Variants in WDR72 observed in about 807,000 individuals in gnomAD.
The protein encoded by WDR72 is WD repeat-containing protein 72.
A neutral mutation model predicts 124.2 loss-of-function variants in WDR72; 120 were observed. The observed-to-expected ratio is 0.97, with a 90% CI of 0.83 to 1.12. WDR72 has a LOEUF of 1.12. Among genes scored for constraint, WDR72 ranks in the 50% most tolerant of loss-of-function variants. WDR72 has a pLI of 0.00. For synonymous variants in WDR72, 452 were observed against 441.7 expected, an observed-to-expected ratio of 1.02 and a Z score of -0.29; for missense variants, 1,387 against 1,278.8, an observed-to-expected ratio of 1.08 and a Z score of -1.29.
At chr15:53,755,183 C>G (rs1454286367) in intron 1 of WDR72, among the ~76,000 whole-genome samples, 1 of 152,084 alleles carries the variant, frequency 6.6e-6, no homozygotes, top group East Asian at 1.9e-4. Flanking sequence ...TGTGATCTCA[C>G]TGGAAAAAAG....
At chr15:53,621,436 T>A (rs1595799499) in intron 14 of WDR72, among the ~76,000 whole-genome samples, 1 of 132,046 alleles carries the variant, frequency 7.6e-6, no homozygotes, top group African/African-American at 3.0e-5. Flanking sequence ...CTGTGATATA[T>A]ATATATATAT....
At chr15:53,658,266 A>G (rs1031171405) in intron 14 of WDR72, among the ~76,000 whole-genome samples, 3 of 152,194 alleles carry the variant, frequency 2.0e-5, no homozygotes, top group Non-Finnish European at 2.9e-5. Context: ...TCTTAAATAT[A>G]TAACTTCACT....
In WDR72 at chr15:53,597,085, G is replaced by A; in HGVS notation, c.3142C>T (p.Leu1048=). Residue 1048 remains leucine, a synonymous_variant, in exon 18 of 20, where the codon CTG becomes TTG. Transcript: ENST00000360509. ...ELQCVRNTLP[L]QTPVSPVKHD... ...CAATAAATTTTGTACTTACTTTGCAGAGGCAAAGTGTTTCTAACACACTGT... is the reference window on the plus strand; with the variant it reads ...CAATAAATTTTGTACTTACTTTGCAAAGGCAAAGTGTTTCTAACACACTGT... 6.2e-7 allele frequency: 1 copy of A among 1,613,544 alleles called. No individual in the cohort carries two copies. Among genetic ancestry groups the A allele is most frequent in the Non-Finnish European group, 8.5e-7 (1 of 1,179,644 alleles).
At chr15:53,531,600 G>A (rs1892472554) in intron 18 of WDR72, among the ~76,000 whole-genome samples, 1 of 151,986 alleles carries the variant, frequency 6.6e-6, no homozygotes, top group Non-Finnish European at 1.5e-5. Flanking sequence ...TATTACATAA[G>A]CTACTGACAT....
At chr15:53,651,274 C>G (rs2015231100) in intron 14 of WDR72, among the ~76,000 whole-genome samples, 1 of 152,170 alleles carries the variant, frequency 6.6e-6, no homozygotes, top group Non-Finnish European at 1.5e-5. Flanking sequence ...ACCTCCTTCT[C>G]TGATGTTCTC....
intron 16 of WDR72, among the ~76,000 whole-genome samples, chr15:53,612,381 G>C (rs1276294058): frequency 6.6e-6 from 1 of 152,090 alleles, no homozygotes; most frequent in African/African-American, 2.4e-5. Flanking sequence ...ATGGAGAACA[G>C]TACAACAGCG....
intron 13 of WDR72, among the ~76,000 whole-genome samples, chr15:53,671,188 T>C (rs918088144): frequency 1.3e-5 from 2 of 152,188 alleles, no homozygotes; most frequent in East Asian, 3.9e-4. Flanking sequence ...CAAGAAGTCA[T>C]AGTCTCACCC....
intron 18 of WDR72, among the ~76,000 whole-genome samples, chr15:53,567,602 A>G (rs1449541671): frequency 1.3e-5 from 2 of 152,032 alleles, no homozygotes; most frequent in Admixed American, 6.6e-5. Context: ...ATAAAAGACA[A>G]TATCTTTTAT....
chr15:53,687,505 A>C (rs1239202979), intron 13 of WDR72, among the ~76,000 whole-genome samples: 1 of 151,574 alleles, frequency 6.6e-6, no homozygotes, highest in Admixed American at 6.6e-5. Context: ...TTCCAAGACT[A>C]AACCAGGAAG....
chr15:53,605,803 C>T (rs1005164240), intron 17 of WDR72, among the ~76,000 whole-genome samples: 3 of 151,644 alleles, frequency 2.0e-5, no homozygotes, highest in Admixed American at 1.3e-4. Context: ...TGCAGTGAGC[C>T]GAGATCATGC....
At chr15:53,656,250 T>C (rs1381429746) in intron 14 of WDR72, among the ~76,000 whole-genome samples, 2 of 152,174 alleles carry the variant, frequency 1.3e-5, no homozygotes, top group Non-Finnish European at 2.9e-5. Flanking sequence ...CTATATAGTA[T>C]GAAAAAAATT....
chr15:53,627,295 A>T (rs1271718494), intron 14 of WDR72, among the ~76,000 whole-genome samples: 1 of 152,246 alleles, frequency 6.6e-6, no homozygotes, highest in Non-Finnish European at 1.5e-5. Context: ...GAGCTGTATA[A>T]GGAAGGAAAA....
At chr15:53,741,772 C>G (rs1221979402) in intron 1 of WDR72, among the ~76,000 whole-genome samples, 1 of 151,302 alleles carries the variant, frequency 6.6e-6, no homozygotes, top group Non-Finnish European at 1.5e-5. Context: ...CTCTGTCACT[C>G]ACGCTGGAGT....
chr15:53,643,291 T>C (rs930967720), intron 14 of WDR72, among the ~76,000 whole-genome samples: 9 of 152,102 alleles, frequency 5.9e-5, no homozygotes, highest in African/African-American at 2.2e-4. Context: ...TAGTCTCCAT[T>C]CCAGCAGCAA....
intron 13 of WDR72, among the ~76,000 whole-genome samples, chr15:53,695,474 T>C (rs931355620): frequency 6.6e-6 from 1 of 152,208 alleles, no homozygotes; most frequent in Non-Finnish European, 1.5e-5. Flanking sequence ...CAGTGCCAAA[T>C]ACACTGTGGG....
At chr15:53,669,160 G>C (rs1016676470) in intron 13 of WDR72, among the ~76,000 whole-genome samples, 1 of 152,018 alleles carries the variant, frequency 6.6e-6, no homozygotes, top group African/African-American at 2.4e-5. Flanking sequence ...CATGACGGCG[G>C]GGCTAGCAGC....
At chr15:53,709,495 T>C (rs1418134742) in intron 9 of WDR72, among the ~76,000 whole-genome samples, 1 of 152,170 alleles carries the variant, frequency 6.6e-6, no homozygotes, top group African/African-American at 2.4e-5. Context: ...AACATTGAAA[T>C]TTTCAGGAAC....
intron 3 of WDR72, among the ~76,000 whole-genome samples, chr15:53,721,084 T>A: frequency 6.6e-6 from 1 of 152,166 alleles, no homozygotes; most frequent in East Asian, 1.9e-4. Flanking sequence ...GCATAGGTAC[T>A]ACCTGAAAAG....
chr15:53,676,764 T>C (rs532601), intron 13 of WDR72, among the ~76,000 whole-genome samples: 14,514 of 152,202 alleles, frequency 0.095, 1,850 homozygotes, highest in African/African-American at 0.29. Flanking sequence ...TGTGAGACAA[T>C]AAATAGGTGT....
Sources: allele counts gnomAD v4.1 joint callset (sites outside exome capture counted in the v4.1 genomes callset), GRCh38; gene constraint gnomAD v4.1.1; transcripts MANE v1.5; gene names NCBI Gene and HGNC (gene_info 2026-07-23, HGNC 2026-07-21).